DSCAM: variants seen among roughly 807,000 people sequenced by gnomAD.
DSCAM encodes DS cell adhesion molecule, also known as cell adhesion molecule DSCAM.
Under a neutral mutation model 217.7 loss-of-function variants are expected in DSCAM, and 47 were observed. The ratio of observed to expected loss-of-function variants is 0.22; its 90% CI spans 0.17 to 0.28. The LOEUF is 0.28. DSCAM is among the 10% of genes least tolerant of loss of function. The pLI, the probability that DSCAM is intolerant of heterozygous loss-of-function variation, is 1.00. For synonymous variants in DSCAM, 1,056 were observed against 1,015.3 expected, an observed-to-expected ratio of 1.04 and a Z score of -0.76; for missense variants, 2,080 against 2,618.3, an observed-to-expected ratio of 0.79 and a Z score of 4.49.
intron 3 of DSCAM, among the ~76,000 whole-genome samples, chr21:40,422,148 C>A (rs1162629682): frequency 1.3e-5 from 2 of 152,220 alleles, no homozygotes; most frequent in Non-Finnish European, 2.9e-5. Flanking sequence ...CTAGTGAGCA[C>A]AGATAAGACT....
chr21:40,687,927 G>C (rs923704831), intron 3 of DSCAM, among the ~76,000 whole-genome samples: 9 of 152,148 alleles, frequency 5.9e-5, no homozygotes, highest in Non-Finnish European at 1.2e-4. Context: ...CCCAGTTGTG[G>C]CAGTGAAGAA....
chr21:40,744,696 A>G (rs1303573287), intron 1 of DSCAM, among the ~76,000 whole-genome samples: 1 of 152,184 alleles, frequency 6.6e-6, no homozygotes, highest in Non-Finnish European at 1.5e-5. Flanking sequence ...TTTCTCTTCA[A>G]ATATGCAGGC....
At chr21:40,629,529 T>G (rs1010365059) in intron 3 of DSCAM, 1 of 152,188 alleles carries the variant, frequency 6.6e-6, no homozygotes, top group African/African-American at 2.4e-5. Context: ...AAGAGCTAGT[T>G]TGAGACTTAC....
chr21:40,330,783 T>C (rs2074370278), intron 8 of DSCAM, among the ~76,000 whole-genome samples: 1 of 152,172 alleles, frequency 6.6e-6, no homozygotes, highest in Admixed American at 6.6e-5. Flanking sequence ...TCCCACTTCA[T>C]TAGCTTTCTT....
intron 16 of DSCAM, among the ~76,000 whole-genome samples, chr21:40,162,460 T>C (rs1207111664): frequency 2.0e-5 from 3 of 152,184 alleles, no homozygotes; most frequent in African/African-American, 7.2e-5. Context: ...AAGTGGAGCC[T>C]GCAGTTTATT....
At chr21:40,470,233 T>C (rs1180188197) in intron 3 of DSCAM, among the ~76,000 whole-genome samples, 1 of 152,234 alleles carries the variant, frequency 6.6e-6, no homozygotes. Flanking sequence ...CCAATGAGGA[T>C]TCAGTAACTA....
chr21:40,573,171 A>G (rs2076821706), intron 3 of DSCAM, among the ~76,000 whole-genome samples: 1 of 152,144 alleles, frequency 6.6e-6, no homozygotes, highest in African/African-American at 2.4e-5. Flanking sequence ...CCCCGTCTCT[A>G]CTAAAAATAC....
rs760072956 is a variant in DSCAM, at chr21:40,508,734, AATATATATATATATATATATAT to A, written c.509-139511_509-139490del. On this transcript the variant is annotated intron_variant, in intron 3 of 32. Transcript: ENST00000400454. Reference sequence around the variant, plus strand: ...CAGGTGCAAACCACCACACCCGGCAAATATATATATATATATATATATATATATATATATATATATATATATA... The same window carrying A: ...CAGGTGCAAACCACCACACCCGGCAAATATATATATATATATATATATATA... Among the ~76,000 whole-genome samples the A allele has an allele frequency of 1.7e-4, 8 of 45,854 alleles. 1 individual carries two copies. The highest frequency in any genetic ancestry group is 1.2e-3 in the South Asian group (1 of 832). The allele number at this position is 45,854 out of a possible 152,430, so 30.1% of individuals were successfully genotyped here.
intron 3 of DSCAM, among the ~76,000 whole-genome samples, chr21:40,549,261 T>C (rs2076610341): frequency 6.6e-6 from 1 of 152,324 alleles, no homozygotes; most frequent in East Asian, 1.9e-4. Flanking sequence ...TAAAGATACA[T>C]ACATTTAATT....
chr21:40,303,273 T>C (rs761418525), intron 9 of DSCAM, among the ~76,000 whole-genome samples: 3 of 152,254 alleles, frequency 2.0e-5, no homozygotes, highest in Admixed American at 6.5e-5. Flanking sequence ...TCTTACTTAA[T>C]AGGAGGCACC....
chr21:40,375,619 A>G (rs2074942741), intron 3 of DSCAM, among the ~76,000 whole-genome samples: 2 of 152,232 alleles, frequency 1.3e-5, no homozygotes, highest in Admixed American at 6.5e-5. Flanking sequence ...TATCTTGTAC[A>G]TGTGCATGAG....
At chr21:40,140,713 G>A (rs1172913205) in intron 18 of DSCAM, among the ~76,000 whole-genome samples, 1 of 152,164 alleles carries the variant, frequency 6.6e-6, no homozygotes, top group Non-Finnish European at 1.5e-5. Flanking sequence ...TAAAACTTGT[G>A]TTTAGGTGGG....
At chr21:40,035,541 C>T (rs1207156969) in intron 32 of DSCAM, among the ~76,000 whole-genome samples, 9 of 133,428 alleles carry the variant, frequency 6.7e-5, no homozygotes, top group Non-Finnish European at 4.7e-5. Context: ...TACAAAGAGA[C>T]TTAGACTCCC....
rs187824226 is a variant in DSCAM at position 40,464,144 on chromosome 21, T to C, written c.509-94899A>G. Among the ~76,000 whole-genome samples, 6 of 152,346 alleles carry C rather than the reference T, an allele frequency of 3.9e-5. No homozygotes were observed. The East Asian group carries it at 1.2e-3, about 29-fold the overall frequency. ...CATTTCTATCTCCCAAGTCTCTCTT[T>C]TGAACTCTGCAGCCTGACTGCTTCC... On this transcript the variant is annotated intron_variant, in intron 3 of 32. Coordinates refer to ENST00000400454, the MANE Select transcript of DSCAM (RefSeq NM_001389.5).
intron 10 of DSCAM, among the ~76,000 whole-genome samples, chr21:40,289,405 G>A (rs2073864506): frequency 6.6e-6 from 1 of 152,194 alleles, no homozygotes; most frequent in Non-Finnish European, 1.5e-5. Flanking sequence ...AGGGTTAGCT[G>A]AGGAATCAGG....
chr21:40,101,388 A>T (rs964249474), intron 20 of DSCAM, among the ~76,000 whole-genome samples: 2 of 152,194 alleles, frequency 1.3e-5, no homozygotes, highest in African/African-American at 4.8e-5. Context: ...GCATGAGAAG[A>T]ACAGGGCTCT....
At chr21:40,237,858 A>G (rs570723989) in intron 11 of DSCAM, among the ~76,000 whole-genome samples, 32 of 152,278 alleles carry the variant, frequency 2.1e-4, no homozygotes, top group African/African-American at 7.7e-4. Flanking sequence ...CTCTGTTATG[A>G]AGATCCTGGT....
At chr21:40,068,304 G>T (rs2089240551) in intron 27 of DSCAM, among the ~76,000 whole-genome samples, 1 of 152,116 alleles carries the variant, frequency 6.6e-6, no homozygotes, top group East Asian at 1.9e-4. Context: ...GGGACTGTGG[G>T]AATTTGGGAG....
chr21:40,392,527 T>C (rs1162990733), intron 3 of DSCAM, among the ~76,000 whole-genome samples: 2 of 152,310 alleles, frequency 1.3e-5, no homozygotes, highest in East Asian at 3.9e-4. Flanking sequence ...AATAATCACA[T>C]GAATTTATTG....
Sources: allele counts gnomAD v4.1 joint callset (sites outside exome capture counted in the v4.1 genomes callset), GRCh38; gene constraint gnomAD v4.1.1; transcripts MANE v1.5; gene names NCBI Gene and HGNC (gene_info 2026-07-23, HGNC 2026-07-21).